Variants in SERTAD2 observed in about 807,000 individuals in gnomAD.
The protein encoded by SERTAD2 is SERTA domain-containing protein 2.
A neutral mutation model predicts 15.4 loss-of-function variants in SERTAD2; 2 were observed. The observed-to-expected ratio is 0.13, with a 90% CI of 0.05 to 0.41. The LOEUF (loss-of-function observed/expected upper bound fraction) is 0.41. SERTAD2 is among the 10% of genes least tolerant of loss of function. SERTAD2 has a pLI of 0.99. For synonymous variants in SERTAD2, 180 were observed against 178.0 expected, an observed-to-expected ratio of 1.01 and a Z score of -0.09; for missense variants, 333 against 409.7, an observed-to-expected ratio of 0.81 and a Z score of 1.62.
chr2:64,633,203 G>A lies in SERTAD2; in HGVS notation c.*2724C>T, dbSNP rs1674575199. The A allele has an allele frequency of 6.6e-6, 1 of 152,166 alleles. No homozygotes were observed. 9.4% of individuals were successfully genotyped at this position (152,166 alleles called of 1,614,324 possible). On this transcript the variant is annotated 3_prime_UTR_variant, in exon 2 of 2. Transcript: ENST00000313349. ...GATCATTTTGATCTTTCTGAAAATG[G>A]GCTGCTAATTTTCCATGTCTTTCTT...
chr2:64,646,151 A>C (rs139264930), intron 1 of SERTAD2, among the ~76,000 whole-genome samples: 1 of 152,080 alleles, frequency 6.6e-6, no homozygotes, highest in East Asian at 1.9e-4. Flanking sequence ...AAACAAACAA[A>C]AAAAAACCCA....
chr2:64,647,919 C>T (rs1017687456), intron 1 of SERTAD2, among the ~76,000 whole-genome samples: 4 of 152,144 alleles, frequency 2.6e-5, no homozygotes, highest in Non-Finnish European at 5.9e-5. Flanking sequence ...ACTAGTCATG[C>T]CTTCAAATCT....
At chr2:64,648,421 T>G (rs1674948412) in intron 1 of SERTAD2, among the ~76,000 whole-genome samples, 1 of 152,224 alleles carries the variant, frequency 6.6e-6, no homozygotes, top group Non-Finnish European at 1.5e-5. Context: ...TTTGTAAATA[T>G]GGCAGCCATT....
chr2:64,636,350 G>A lies in SERTAD2; in HGVS notation c.522C>T (p.Asp174=), dbSNP rs146139370. 5.2e-5 allele frequency: 84 copies of A among 1,614,204 alleles called. No homozygotes were observed. The Middle Eastern group carries it at 6.6e-4, about 13-fold the overall frequency. ...PEKDSFSSAL[D]EIEELCPTST... is the part of the protein sequence containing the mutation. ...ATGTGGGACAGAGCTCCTCGATCTC[G>A]TCCAAGGCAGAGGAGAAACTGTCCT... The change falls in exon 2 of 2, where the codon GAC becomes GAT. Residue 174 remains aspartate, a synonymous_variant. Coordinates refer to ENST00000313349, the MANE Select transcript of SERTAD2 (RefSeq NM_014755.3).
At position 64,634,589 on chromosome 2, in the gene SERTAD2, G is replaced by T. The variant is rs912250834; in HGVS notation, c.*1338C>A. ...GCCGAGGCGAGCCAAGCTCACTGTGGTGATCACGAAGATGCCATTTTCAGC... is the reference window on the plus strand; with the variant it reads ...GCCGAGGCGAGCCAAGCTCACTGTGTTGATCACGAAGATGCCATTTTCAGC... On this transcript the variant is annotated 3_prime_UTR_variant, in exon 2 of 2. Coordinates refer to ENST00000313349, the MANE Select transcript of SERTAD2 (RefSeq NM_014755.3). 2 of 152,148 alleles carry T rather than the reference G, an allele frequency of 1.3e-5. No individual in the cohort carries two copies. Among genetic ancestry groups the T allele is most frequent in the Non-Finnish European group, 2.9e-5 (2 of 68,042 alleles). The allele number at this position is 152,148 out of a possible 1,614,324, so 9.4% of individuals were successfully genotyped here. A position where few individuals can be genotyped will look rare whatever the true frequency, so the allele number is the denominator to read the frequency against.
rs1037728189 is a variant in SERTAD2 at position 64,633,218 on chromosome 2, A to G, written c.*2709T>C. On this transcript the variant is annotated 3_prime_UTR_variant, in exon 2 of 2. Transcript: ENST00000313349. ...TCTGAAAATGGGCTGCTAATTTTCCATGTCTTTCTTGTTAGACTTTGAGTA... is the reference window on the plus strand; with the variant it reads ...TCTGAAAATGGGCTGCTAATTTTCCGTGTCTTTCTTGTTAGACTTTGAGTA... The G allele has an allele frequency of 6.6e-6, 1 of 152,242 alleles. No individual in the cohort carries two copies. Among genetic ancestry groups the G allele is most frequent in the African/African-American group, 2.4e-5 (1 of 41,464 alleles). 9.4% of individuals were successfully genotyped at this position (152,242 alleles called of 1,614,324 possible).
At chr2:64,637,930 C>T (rs897776463) in intron 1 of SERTAD2, among the ~76,000 whole-genome samples, 3 of 152,224 alleles carry the variant, frequency 2.0e-5, no homozygotes, top group Non-Finnish European at 2.9e-5. Context: ...CATGTGACAT[C>T]GTCACAACCT....
chr2:64,634,422 C>A lies in SERTAD2; in HGVS notation c.*1505G>T. Reference sequence around the variant, plus strand: ...AGGAGGGAAAACATGCATAGAAAGTCCTGTCTGAGTTTTGGGGTAAAACAG... The same window carrying A: ...AGGAGGGAAAACATGCATAGAAAGTACTGTCTGAGTTTTGGGGTAAAACAG... On this transcript the variant is annotated 3_prime_UTR_variant, in exon 2 of 2. Coordinates refer to ENST00000313349, the MANE Select transcript of SERTAD2 (RefSeq NM_014755.3). 1 of 152,134 alleles carries A rather than the reference C, an allele frequency of 6.6e-6. No homozygotes were observed. Among genetic ancestry groups the A allele is most frequent in the Non-Finnish European group, 1.5e-5 (1 of 68,022 alleles). The allele number at this position is 152,134 out of a possible 1,614,324, so 9.4% of individuals were successfully genotyped here.
intron 1 of SERTAD2, among the ~76,000 whole-genome samples, chr2:64,641,503 T>C (rs1283369202): frequency 6.6e-6 from 1 of 152,194 alleles, no homozygotes; most frequent in Non-Finnish European, 1.5e-5. Context: ...CGGTGTGTGT[T>C]TTGTTCACTT....
In SERTAD2 at chr2:64,636,305, G is replaced by C; in HGVS notation, c.567C>G (p.Ala189=). ...CTTTCACACTGTCAGTCGCAGCCGT[G>C]GCCGCCTCTGTGGAGGTAGATGTGG... The part of the protein sequence containing the change: ...LCPTSTSTEA[A]TAATDSVKGT... The change falls in exon 2 of 2, where the codon GCC becomes GCG. Residue 189 remains alanine, a synonymous_variant. Coordinates refer to ENST00000313349, the MANE Select transcript of SERTAD2 (RefSeq NM_014755.3). 6.2e-7 allele frequency: 1 copy of C among 1,614,134 alleles called. No homozygotes were observed. The highest frequency in any genetic ancestry group is 2.2e-5 in the East Asian group (1 of 44,888).
In SERTAD2 at chr2:64,633,920, A is replaced by G. The variant is rs1674592975; in HGVS notation, c.*2007T>C. The G allele has an allele frequency of 6.6e-6, 1 of 152,668 alleles. No individual in the cohort carries two copies. The highest frequency in any genetic ancestry group is 1.5e-5 in the Non-Finnish European group (1 of 68,050). The allele number at this position is 152,668 out of a possible 1,614,324, so 9.5% of individuals were successfully genotyped here. Reference sequence around the variant, plus strand: ...TATCATACTCAAATCTTTTGCTTAGATGAGCAGTTCCTTCATCACAAACGT... The same window carrying G: ...TATCATACTCAAATCTTTTGCTTAGGTGAGCAGTTCCTTCATCACAAACGT... On this transcript the variant is annotated 3_prime_UTR_variant, in exon 2 of 2. Coordinates refer to ENST00000313349, the MANE Select transcript of SERTAD2 (RefSeq NM_014755.3).
chr2:64,650,918 T>C (rs934428488), intron 1 of SERTAD2, among the ~76,000 whole-genome samples: 3 of 152,174 alleles, frequency 2.0e-5, no homozygotes, highest in Admixed American at 2.0e-4. Flanking sequence ...ACACAACTGA[T>C]CTTTGGACTC....
chr2:64,639,577 G>A lies in SERTAD2; in HGVS notation c.-4-2702C>T, dbSNP rs543479860. Among the ~76,000 whole-genome samples the A allele has an allele frequency of 4.6e-5, 7 of 152,314 alleles. No homozygotes were observed. In the South Asian group the frequency reaches 1.2e-3, roughly 27 times the overall value. ...TTCTGGAGGAGAGGTAACATTTAGG[G>A]AAGATGGTGTAGACTCTTCTTACAG... On this transcript the variant is annotated intron_variant, in intron 1 of 1. Coordinates refer to ENST00000313349, the MANE Select transcript of SERTAD2 (RefSeq NM_014755.3).
intron 1 of SERTAD2, among the ~76,000 whole-genome samples, chr2:64,649,306 G>A (rs895180030): frequency 2.2e-4 from 33 of 152,236 alleles, no homozygotes; most frequent in Admixed American, 4.6e-4. Flanking sequence ...GCAGCCGGCC[G>A]GAGCAGAGGC....
Position 64,633,495 on chromosome 2 carries a change from A to C in SERTAD2, c.*2432T>G, listed in dbSNP as rs1023186746. 6 of 152,252 alleles carry C rather than the reference A, an allele frequency of 3.9e-5. No individual in the cohort carries two copies. Among genetic ancestry groups the C allele is most frequent in the African/African-American group, 1.4e-4 (6 of 41,472 alleles). 9.4% of individuals were successfully genotyped at this position (152,252 alleles called of 1,614,324 possible). On this transcript the variant is annotated 3_prime_UTR_variant, in exon 2 of 2. Transcript: ENST00000313349. ...ATCAGTTTTTAACAATGGCAAACCA[A>C]CTGTTTTACCCTGTTATTGTTCAGA...
chr2:64,645,890 C>T (rs559762631), intron 1 of SERTAD2, among the ~76,000 whole-genome samples: 25 of 152,110 alleles, frequency 1.6e-4, no homozygotes, highest in African/African-American at 6.0e-4. Context: ...GAGAATGCTG[C>T]CAATTGTTTT....
At chr2:64,640,620 G>C (rs1674754355) in intron 1 of SERTAD2, among the ~76,000 whole-genome samples, 1 of 152,108 alleles carries the variant, frequency 6.6e-6, no homozygotes, top group East Asian at 1.9e-4. Context: ...GGTGACTCTA[G>C]GGAGGGGGTG....
intron 1 of SERTAD2, among the ~76,000 whole-genome samples, chr2:64,643,450 C>T (rs998637351): frequency 6.6e-6 from 1 of 152,174 alleles, no homozygotes; most frequent in Non-Finnish European, 1.5e-5. Flanking sequence ...GATGAGTCAC[C>T]GGCCTGCACA....
At position 64,641,433 on chromosome 2, in the gene SERTAD2, T is replaced by C. The variant is rs72814049; in HGVS notation, c.-4-4558A>G. Among the ~76,000 whole-genome samples, 813 of 152,216 alleles carry C rather than the reference T, an allele frequency of 5.3e-3. 6 individuals are homozygous for C. Among genetic ancestry groups the C allele is most frequent in the Non-Finnish European group, 9.2e-3 (627 of 67,994 alleles). Reference sequence around the variant, plus strand: ...GCCTATTTGAAAGTTACATTTAAGGTGGGATTGTCTCTTCATATCTGTTTC... The same window carrying C: ...GCCTATTTGAAAGTTACATTTAAGGCGGGATTGTCTCTTCATATCTGTTTC... On this transcript the variant is annotated intron_variant, in intron 1 of 1. Transcript: ENST00000313349.
Sources: allele counts gnomAD v4.1 joint callset (sites outside exome capture counted in the v4.1 genomes callset), GRCh38; gene constraint gnomAD v4.1.1; transcripts MANE v1.5; gene names NCBI Gene and HGNC (gene_info 2026-07-23, HGNC 2026-07-21).